Variants in CACNA1C observed in about 807,000 individuals in gnomAD.
The protein encoded by CACNA1C is calcium voltage-gated channel subunit alpha1 C, also known as voltage-dependent L-type calcium channel subunit alpha-1C.
Under a neutral mutation model 229.0 loss-of-function variants are expected in CACNA1C, and 30 were observed. The observed-to-expected ratio is 0.13, with a 90% confidence interval of 0.10 to 0.18. The LOEUF is 0.18. Ranked by LOEUF, CACNA1C falls within the 10% of genes least tolerant of loss-of-function variation. The probability of loss-of-function intolerance (pLI) is 1.00; values close to 1 mark genes in which losing one functional copy is unlikely to be tolerated. For synonymous variants in CACNA1C, 1,114 were observed against 1,132.5 expected, an observed-to-expected ratio of 0.98 and a Z score of 0.33; for missense variants, 1,658 against 2,845.0, an observed-to-expected ratio of 0.58 and a Z score of 9.49.
At chr12:2,169,212 TG>T (rs1746998334) in intron 3 of CACNA1C, among the ~76,000 whole-genome samples, 1 of 152,200 alleles carries the variant, frequency 6.6e-6, no homozygotes. Flanking sequence ...ATAATTTTTG[TG>T]TGCTGTTGCT....
At chr12:1,989,284 C>G (rs2038715808) in intron 1 of CACNA1C, among the ~76,000 whole-genome samples, 1 of 152,154 alleles carries the variant, frequency 6.6e-6, no homozygotes. Context: ...TGCAATGAGG[C>G]TATGACCAAT....
chr12:2,524,350 A>G (rs2099815008), intron 9 of CACNA1C, among the ~76,000 whole-genome samples: 1 of 152,224 alleles, frequency 6.6e-6, no homozygotes, highest in Non-Finnish European at 1.5e-5. Flanking sequence ...CAGGAGACAG[A>G]TGCACCAACA....
rs2076218139 is a variant in CACNA1C at position 2,608,306 on chromosome 12, A to G, written c.3357-205A>G. Among the ~76,000 whole-genome samples the G allele has an allele frequency of 6.6e-6, 1 of 152,196 alleles. No homozygotes were observed. Among genetic ancestry groups the G allele is most frequent in the Non-Finnish European group, 1.5e-5 (1 of 68,038 alleles). The stretch of plus-strand genomic sequence containing the variant: ...AGGAAAGTCAGGAATTATTGTCTCC[A>G]ATTTACAGATGAAGAATCTGAGTCT... On this transcript the variant is annotated intron_variant, in intron 26 of 46. Coordinates refer to ENST00000399655, the MANE Select transcript of CACNA1C (RefSeq NM_000719.7). The surrounding 1 kb of genome is among the most constrained non-coding windows in gnomAD (Gnocchi z 4.2).
intron 3 of CACNA1C, among the ~76,000 whole-genome samples, chr12:2,179,785 C>CAT (rs2096776233): frequency 6.6e-6 from 1 of 152,180 alleles, no homozygotes; most frequent in South Asian, 2.1e-4. Context: ...TGGATATATG[C>CAT]TTGCTCCACG....
intron 3 of CACNA1C, among the ~76,000 whole-genome samples, chr12:2,172,431 T>C (rs968310873): frequency 3.3e-5 from 5 of 152,240 alleles, no homozygotes; most frequent in Non-Finnish European, 5.9e-5. Context: ...ATGGTTGCAA[T>C]GAATCAAACC....
chr12:2,504,748 C>T lies in CACNA1C; in HGVS notation c.1114-94C>T. 1.2e-6 allele frequency: 1 copy of T among 826,674 alleles called. No homozygotes were observed. Among genetic ancestry groups the T allele is most frequent in the Non-Finnish European group, 2.1e-6 (1 of 484,646 alleles). 51.2% of individuals were successfully genotyped at this position (826,674 alleles called of 1,614,324 possible). ...CACCTAGAGGGTCCCCGGATCCTGGCGCTGCGTGGGTCAGTGTCTCGGGAG... is the reference window on the plus strand; with the variant it reads ...CACCTAGAGGGTCCCCGGATCCTGGTGCTGCGTGGGTCAGTGTCTCGGGAG... On this transcript the variant is annotated intron_variant, in intron 7 of 46. Coordinates refer to ENST00000399655, the MANE Select transcript of CACNA1C (RefSeq NM_000719.7). The surrounding 1 kb of genome is among the most constrained non-coding windows in gnomAD (Gnocchi z 6.8).
intron 3 of CACNA1C, among the ~76,000 whole-genome samples, chr12:2,437,053 G>A (rs2099141691): frequency 1.3e-5 from 2 of 152,234 alleles, no homozygotes; most frequent in African/African-American, 4.8e-5. Context: ...CTGTCTTTCT[G>A]AATCAATGAG....
chr12:2,067,375 A>T lies in CACNA1C; in HGVS notation c.49+13764A>T, dbSNP rs1172621297. Among the ~76,000 whole-genome samples the T allele has an allele frequency of 6.6e-6, 1 of 152,018 alleles. No homozygotes were observed. Reference sequence around the variant, plus strand: ...TTCTTTGGGGAGCATAACAGGAAGAAGATGACAAAAGCCTGGGTGGTGGAG... The same window carrying T: ...TTCTTTGGGGAGCATAACAGGAAGATGATGACAAAAGCCTGGGTGGTGGAG... On this transcript the variant is annotated intron_variant, in intron 1 of 46. Coordinates refer to ENST00000399655, the MANE Select transcript of CACNA1C (RefSeq NM_000719.7). The surrounding 1 kb of genome is among the most constrained non-coding windows in gnomAD (Gnocchi z 5.3).
chr12:2,505,118 A>T (rs756046053), intron 8 of CACNA1C, among the ~76,000 whole-genome samples, 173 bp downstream of exon 8: 1 of 151,394 alleles, frequency 6.6e-6, no homozygotes, highest in Non-Finnish European at 1.5e-5. Flanking sequence ...CAGATGTGCC[A>T]CTGGTCTTGG....
chr12:2,244,470 A>T (rs2154377817), intron 3 of CACNA1C, among the ~76,000 whole-genome samples: 2 of 152,358 alleles, frequency 1.3e-5, no homozygotes. Flanking sequence ...AAATACAGTC[A>T]TCTCCTCCGG....
intron 13 of CACNA1C, among the ~76,000 whole-genome samples, chr12:2,569,987 A>T (rs1600466386): frequency 6.6e-6 from 1 of 152,232 alleles, no homozygotes; most frequent in East Asian, 1.9e-4. Context: ...GAATAGGAAA[A>T]CATCAGAGGG....
chr12:2,355,078 G>GCC (rs397851159), intron 3 of CACNA1C, among the ~76,000 whole-genome samples: 38 of 152,224 alleles, frequency 2.5e-4, no homozygotes, highest in Non-Finnish European at 4.6e-4. Flanking sequence ...AACCAACTCT[G>GCC]CCCGCTTCCC....
chr12:2,005,158 A>G (rs972458502), intron 1 of CACNA1C, among the ~76,000 whole-genome samples: 1 of 150,488 alleles, frequency 6.6e-6, no homozygotes, highest in Non-Finnish European at 1.5e-5. Flanking sequence ...AAAAAAAAAA[A>G]AGAAGAAGGT....
intron 2 of CACNA1C, among the ~76,000 whole-genome samples, chr12:2,117,114 T>TA (rs1429366598): frequency 3.3e-5 from 5 of 152,058 alleles, no homozygotes; most frequent in African/African-American, 1.2e-4. Context: ...CTGCTAATAA[T>TA]ACAAAAATTA....
At chr12:2,351,521 C>G (rs960470619) in intron 3 of CACNA1C, among the ~76,000 whole-genome samples, 44 of 152,202 alleles carry the variant, frequency 2.9e-4, no homozygotes, top group African/African-American at 1.0e-3. Flanking sequence ...GGCATAGGGC[C>G]TGCCCCACCC....
intron 1 of CACNA1C, among the ~76,000 whole-genome samples, chr12:2,096,139 C>T (rs891171258): frequency 6.6e-6 from 1 of 152,216 alleles, no homozygotes; most frequent in African/African-American, 2.4e-5. Flanking sequence ...AACTTCCCAT[C>T]AAACCAGCTC....
At position 2,677,352 on chromosome 12, in the gene CACNA1C, C is replaced by T. The variant is rs2096874763; in HGVS notation, c.4956+131C>T. The T allele has an allele frequency of 1.0e-6, 1 of 994,454 alleles. No homozygotes were observed. The highest frequency in any genetic ancestry group is 2.9e-5 in the Admixed American group (1 of 34,936). 61.6% of individuals were successfully genotyped at this position (994,454 alleles called of 1,614,324 possible). The stretch of plus-strand genomic sequence containing the variant: ...TGCAGAGGGAACCTTTCAGAGAGCT[C>T]CAGACCTTTCCAAAGATGGCTGTGA... On this transcript the variant is annotated intron_variant, in intron 40 of 46. Transcript: ENST00000399655. The surrounding 1 kb of genome is among the most constrained non-coding windows in gnomAD (Gnocchi z 7.4).
chr12:2,505,286 TAAAC>T (rs2099769118), intron 8 of CACNA1C, among the ~76,000 whole-genome samples: 1 of 152,206 alleles, frequency 6.6e-6, no homozygotes, highest in Non-Finnish European at 1.5e-5. Flanking sequence ...GTTTAAAACA[TAAAC>T]AAAGACAGAC....
intron 11 of CACNA1C, among the ~76,000 whole-genome samples, chr12:2,558,094 T>C (rs2045473481): frequency 6.6e-6 from 1 of 152,206 alleles, no homozygotes. Context: ...AGTGCTGTAT[T>C]TTAAACAGTC....
Sources: allele counts gnomAD v4.1 joint callset (sites outside exome capture counted in the v4.1 genomes callset), GRCh38; gene constraint gnomAD v4.1.1; non-coding constraint Gnocchi (gnomAD v3.1); transcripts MANE v1.5; gene names NCBI Gene and HGNC (gene_info 2026-07-23, HGNC 2026-07-21).